KATNIP: variants seen among roughly 807,000 people sequenced by gnomAD.
The protein encoded by KATNIP is katanin interacting protein.
A neutral mutation model predicts 174.0 loss-of-function variants in KATNIP; 126 were observed. That is an observed-to-expected ratio of 0.72 (90% confidence interval 0.63 to 0.84). KATNIP has a LOEUF of 0.84. Ranked by LOEUF, KATNIP falls within the 40% of genes least tolerant of loss-of-function variation. The probability of loss-of-function intolerance (pLI) is 0.00; values close to 1 mark genes in which losing one functional copy is unlikely to be tolerated. For synonymous variants in KATNIP, 810 were observed against 835.7 expected, an observed-to-expected ratio of 0.97 and a Z score of 0.53; for missense variants, 1,958 against 2,109.7, an observed-to-expected ratio of 0.93 and a Z score of 1.41.
At chr16:27,640,176 T>TG (rs1419894655) in intron 5 of KATNIP, among the ~76,000 whole-genome samples, 2 of 152,198 alleles carry the variant, frequency 1.3e-5, no homozygotes, top group African/African-American at 4.8e-5. Flanking sequence ...AACATGGATT[T>TG]GGGGATGTCA....
At chr16:27,702,307 G>C (rs1179005621) in intron 11 of KATNIP, among the ~76,000 whole-genome samples, 1 of 152,218 alleles carries the variant, frequency 6.6e-6, no homozygotes, top group Non-Finnish European at 1.5e-5. Context: ...TTGGCCCACA[G>C]CAGCGTCCTT....
intron 14 of KATNIP, among the ~76,000 whole-genome samples, chr16:27,728,284 G>T (rs144569312): frequency 3.9e-5 from 6 of 152,364 alleles, no homozygotes; most frequent in Non-Finnish European, 7.3e-5. Context: ...TTTCCGTTGG[G>T]TGGGATGCAG....
intron 6 of KATNIP, among the ~76,000 whole-genome samples, chr16:27,665,083 T>C (rs577850545): frequency 5.7e-4 from 86 of 152,162 alleles, no homozygotes; most frequent in Admixed American, 1.8e-3. Context: ...ACTACTGTTA[T>C]TATCATTCTC....
intron 7 of KATNIP, among the ~76,000 whole-genome samples, chr16:27,680,349 G>A (rs1410180853): frequency 6.6e-6 from 1 of 152,168 alleles, no homozygotes; most frequent in Admixed American, 6.5e-5. Context: ...CGGGGAGGGA[G>A]GGGACAGGGC....
intron 20 of KATNIP, 57 bp downstream of exon 20, chr16:27,766,531 T>C: frequency 6.5e-7 from 1 of 1,545,674 alleles, no homozygotes; most frequent in South Asian, 1.2e-5. Context: ...AGCACCTTGA[T>C]GAATGGCTGG....
In KATNIP at chr16:27,701,592, C is replaced by T. The variant is rs918163150; in HGVS notation, c.1183C>T (p.Leu395Phe). The T allele has an allele frequency of 5.0e-6, 8 of 1,587,172 alleles. No homozygotes were observed. Among genetic ancestry groups the T allele is most frequent in the Non-Finnish European group, 6.9e-6 (8 of 1,166,490 alleles). Residue 395 changes from leucine (L) to phenylalanine (F), a missense_variant, in exon 11 of 28, where the codon CTT becomes TTT. Physicochemically the swap from Leu to Phe is conservative, Grantham distance 22 (BLOSUM62 0). Coordinates refer to ENST00000261588, the MANE Select transcript of KATNIP (RefSeq NM_015202.5). ...TAATAAGCCTTTCCATCCTCAGCTG[C>T]TTCCCATCACCACGGCGACTACTAC... is the stretch of plus-strand genomic sequence containing the variant. Reference protein sequence around the residue: ...LEEKEETLELLPITTATTTQE... With the variant: ...LEEKEETLELFPITTATTTQE...
chr16:27,645,604 G>T (rs988769687), intron 5 of KATNIP, among the ~76,000 whole-genome samples: 1 of 152,156 alleles, frequency 6.6e-6, no homozygotes, highest in Non-Finnish European at 1.5e-5. Context: ...GCATTTGGAG[G>T]CAGGCTGGTG....
At chr16:27,630,800 G>C (rs995111147) in intron 4 of KATNIP, among the ~76,000 whole-genome samples, 12 of 152,156 alleles carry the variant, frequency 7.9e-5, no homozygotes, top group African/African-American at 2.9e-4. Flanking sequence ...TGTATATACA[G>C]ACCTGCCTGA....
In KATNIP at chr16:27,574,178, A is replaced by G. The variant is rs1447533906; in HGVS notation, c.63+222A>G. 4 of 539,448 alleles carry G rather than the reference A, an allele frequency of 7.4e-6. No homozygotes were observed. The African/African-American group carries it at 7.6e-5, about 10-fold the overall frequency. 33.4% of individuals were successfully genotyped at this position (539,448 alleles called of 1,614,324 possible). A position where few individuals can be genotyped will look rare whatever the true frequency, so the allele number is the denominator to read the frequency against. ...TGTAATAATCATCTCTGAGTGTATC[A>G]GTTAACTTTGTCTGTGTAACAAATC... On this transcript the variant is annotated intron_variant, in intron 2 of 27. Coordinates refer to ENST00000261588, the MANE Select transcript of KATNIP (RefSeq NM_015202.5).
At chr16:27,641,847 C>G (rs1298479314) in intron 5 of KATNIP, among the ~76,000 whole-genome samples, 2 of 152,210 alleles carry the variant, frequency 1.3e-5, no homozygotes, top group Non-Finnish European at 2.9e-5. Flanking sequence ...TCCAGGCCCC[C>G]TTTTTCTGGA....
intron 12 of KATNIP, among the ~76,000 whole-genome samples, chr16:27,705,930 A>G (rs1315641429): frequency 6.6e-6 from 1 of 152,144 alleles, no homozygotes; most frequent in Non-Finnish European, 1.5e-5. Context: ...CTCCCGCCTC[A>G]GCATCCCAAA....
chr16:27,645,624 G>A (rs545581846), intron 5 of KATNIP, among the ~76,000 whole-genome samples: 15 of 152,242 alleles, frequency 9.9e-5, no homozygotes, highest in African/African-American at 3.1e-4. Flanking sequence ...GGCATGGGTG[G>A]GTGGTGCCAC....
rs1403243089 is a variant in KATNIP at position 27,700,625 on chromosome 16, G to A, written c.1180-964G>A. ...GTCCCATCTGAGCTGAGCCCTGCCT[G>A]TTCGGAAGGCACCAGCAACAGGGAA... On this transcript the variant is annotated intron_variant, in intron 10 of 27. Coordinates refer to ENST00000261588, the MANE Select transcript of KATNIP (RefSeq NM_015202.5). 4.6e-5 allele frequency among the ~76,000 whole-genome samples: 7 copies of A among 152,210 alleles called. No homozygotes were observed. In the East Asian group the frequency reaches 1.2e-3, roughly 25 times the overall value.
intron 14 of KATNIP, among the ~76,000 whole-genome samples, chr16:27,730,246 T>G (rs2080618135): frequency 6.6e-6 from 1 of 152,256 alleles, no homozygotes; most frequent in Non-Finnish European, 1.5e-5. Context: ...CTGGATCACA[T>G]GATGTTTTCA....
At chr16:27,686,492 C>G (rs1374026789) in intron 8 of KATNIP, among the ~76,000 whole-genome samples, 1 of 152,116 alleles carries the variant, frequency 6.6e-6, no homozygotes, top group African/African-American at 2.4e-5. Flanking sequence ...AGGTTTGTCT[C>G]TTATAAGCAG....
intron 2 of KATNIP, among the ~76,000 whole-genome samples, chr16:27,583,455 T>C (rs1359893246): frequency 6.6e-6 from 1 of 152,292 alleles, no homozygotes; most frequent in East Asian, 1.9e-4. Context: ...AAGAGGAGGT[T>C]CCTGCAAGTT....
rs114849798 is a variant in KATNIP, at chr16:27,601,981, C to G, written c.64-16444C>G. 7.3e-3 allele frequency among the ~76,000 whole-genome samples: 1,114 copies of G among 152,290 alleles called. 23 individuals are homozygous for G. The highest frequency in any genetic ancestry group is 0.025 in the African/African-American group (1,051 of 41,552). ...GCAAAGATTGGCGGAGGGTGGCTGC[C>G]TCTCTCCTCCCATCAGGCCTGGTGG... is the stretch of plus-strand genomic sequence containing the variant. On this transcript the variant is annotated intron_variant, in intron 2 of 27. Coordinates refer to ENST00000261588, the MANE Select transcript of KATNIP (RefSeq NM_015202.5).
intron 19 of KATNIP, among the ~76,000 whole-genome samples, chr16:27,762,878 T>C (rs1184570263): frequency 6.6e-6 from 1 of 152,186 alleles, no homozygotes; most frequent in African/African-American, 2.4e-5. Flanking sequence ...GGCTTATGGA[T>C]CCTTCCCACC....
At chr16:27,582,337 G>A (rs1187163666) in intron 2 of KATNIP, among the ~76,000 whole-genome samples, 2 of 152,162 alleles carry the variant, frequency 1.3e-5, no homozygotes, top group Non-Finnish European at 2.9e-5. Flanking sequence ...CAAAGAGCCT[G>A]GTATGACAGC....
Sources: allele counts gnomAD v4.1 joint callset (sites outside exome capture counted in the v4.1 genomes callset), GRCh38; gene constraint gnomAD v4.1.1; transcripts MANE v1.5; gene names NCBI Gene and HGNC (gene_info 2026-07-23, HGNC 2026-07-21).